The following CPEB3 variants were observed in gnomAD, a reference collection of about 807,000 sequenced individuals.
CPEB3 encodes the protein cytoplasmic polyadenylation element-binding protein 3.
A neutral mutation model predicts 67.2 loss-of-function variants in CPEB3; 20 were observed. The ratio of observed to expected loss-of-function variants is 0.30; its 90% CI spans 0.21 to 0.43. The LOEUF (loss-of-function observed/expected upper bound fraction) is 0.43. Among genes scored for constraint, CPEB3 ranks in the 20% least tolerant of loss-of-function variants. CPEB3 has a pLI of 1.00. For missense variants in CPEB3, 746 were observed against 968.6 expected (o/e 0.77, Z 3.05); for synonymous variants, 376 against 393.1 (o/e 0.96, Z 0.51).
In CPEB3 at chr10:92,145,337, A is replaced by G. The variant is rs144608419; in HGVS notation, c.1223-252T>C. Among the ~76,000 whole-genome samples, 380 of 152,314 alleles carry G rather than the reference A, an allele frequency of 2.5e-3. 2 individuals are homozygous for G. The highest frequency in any genetic ancestry group is 3.1e-3 in the Non-Finnish European group (214 of 68,018). On this transcript the variant is annotated intron_variant, in intron 4 of 9. Coordinates refer to ENST00000265997, the MANE Select transcript of CPEB3 (RefSeq NM_014912.5). ...TGACCAGATTGCTAACTAAAGAAAA[A>G]GAATCATCCAGGTGGGCATGGAGGC...
chr10:92,130,552 C>T (rs1845798727), intron 6 of CPEB3, among the ~76,000 whole-genome samples: 1 of 151,944 alleles, frequency 6.6e-6, no homozygotes, highest in Non-Finnish European at 1.5e-5. Context: ...GGCCCTTGTG[C>T]TGAAAGAGCT....
chr10:92,084,078 T>G lies in CPEB3; in HGVS notation c.1688-2577A>C, dbSNP rs544577392. On this transcript the variant is annotated intron_variant, in intron 8 of 9. Coordinates refer to ENST00000265997, the MANE Select transcript of CPEB3 (RefSeq NM_014912.5). ...ACGCCGGGAGGCTGAGGGAAGAGAA[T>G]GGCATGAACCTGGGAGCTGGACCTT... 4.8e-5 allele frequency among the ~76,000 whole-genome samples: 7 copies of G among 145,138 alleles called. No homozygotes were observed. The East Asian group carries it at 1.4e-3, about 30-fold the overall frequency.
intron 9 of CPEB3, among the ~76,000 whole-genome samples, chr10:92,079,414 A>G (rs1213574067): frequency 1.3e-5 from 2 of 152,160 alleles, no homozygotes; most frequent in Non-Finnish European, 2.9e-5. Context: ...TCAGATTGCT[A>G]TGGATACTTA....
At chr10:92,262,701 T>A (rs942251253) in intron 1 of CPEB3, among the ~76,000 whole-genome samples, 10 of 152,182 alleles carry the variant, frequency 6.6e-5, no homozygotes, top group East Asian at 1.9e-4. Flanking sequence ...TTTTAAAAAA[T>A]AAATAAATAA....
intron 3 of CPEB3, among the ~76,000 whole-genome samples, chr10:92,187,093 G>A (rs1014738673): frequency 1.3e-5 from 2 of 152,134 alleles, no homozygotes; most frequent in South Asian, 2.1e-4. Flanking sequence ...TCAAAATTCC[G>A]TAAGAGGGGA....
intron 4 of CPEB3, among the ~76,000 whole-genome samples, chr10:92,175,017 A>G (rs1848160423): frequency 6.6e-6 from 1 of 152,074 alleles, no homozygotes. Context: ...AAATATCCTA[A>G]CTGCCCACTT....
In CPEB3 at chr10:92,245,183, G is replaced by A. The variant is rs1249337307; in HGVS notation, c.-11-4822C>T. Among the ~76,000 whole-genome samples the A allele has an allele frequency of 2.0e-4, 29 of 145,420 alleles. No homozygotes were observed. In the Admixed American group the frequency reaches 2.0e-3, roughly 10 times the overall value. ...GACTGAGTCTCGCTCTGTCACCCAG[G>A]CTGGAGTGCAGTGGTGTGATCTCGG... On this transcript the variant is annotated intron_variant, in intron 1 of 9. Transcript: ENST00000265997.
At chr10:92,243,915 T>C in intron 1 of CPEB3, among the ~76,000 whole-genome samples, 1 of 152,200 alleles carries the variant, frequency 6.6e-6, no homozygotes, top group South Asian at 2.1e-4. Flanking sequence ...AGATTGTACC[T>C]GATAAGCTCT....
chr10:92,247,976 C>G (rs1852140791), intron 1 of CPEB3, among the ~76,000 whole-genome samples: 1 of 152,118 alleles, frequency 6.6e-6, no homozygotes. Flanking sequence ...CTCACTGCAA[C>G]CTCTGCCTCA....
intron 9 of CPEB3, among the ~76,000 whole-genome samples, chr10:92,075,718 T>C (rs1842908441): frequency 6.6e-6 from 1 of 152,158 alleles, no homozygotes; most frequent in African/African-American, 2.4e-5. Context: ...ATATTTTCTA[T>C]TCACAAGCAA....
chr10:92,253,816 C>A (rs911830217), intron 1 of CPEB3, among the ~76,000 whole-genome samples: 1 of 152,012 alleles, frequency 6.6e-6, no homozygotes, highest in African/African-American at 2.4e-5. Context: ...TATGATCTGG[C>A]CAAATAGGAG....
chr10:92,092,644 G>A (rs746040410), intron 7 of CPEB3, among the ~76,000 whole-genome samples: 3 of 152,142 alleles, frequency 2.0e-5, no homozygotes, highest in Non-Finnish European at 4.4e-5. Flanking sequence ...GCTGGGTGTA[G>A]TGGCTCACGC....
Position 92,048,383 on chromosome 10 carries a change from T to TCACACA in CPEB3, c.*3828_*3829insTGTGTG, listed in dbSNP as rs373292872. ...GTTTTTCTCTCTCTCTCTCTCTCTC[T>TCACACA]CTCTCACACACACACACACACACAC... On this transcript the variant is annotated 3_prime_UTR_variant, in exon 10 of 10. Coordinates refer to ENST00000265997, the MANE Select transcript of CPEB3 (RefSeq NM_014912.5). The surrounding 1 kb of genome is among the most constrained non-coding windows in gnomAD (Gnocchi z 4.1). The TCACACA allele has an allele frequency of 0.42, 31,551 of 75,234 alleles. 4,259 individuals carry two copies. The highest frequency in any genetic ancestry group is 0.53 in the Middle Eastern group (93 of 176). The allele number at this position is 75,234 out of a possible 1,614,324, so 4.7% of individuals were successfully genotyped here.
chr10:92,221,476 G>A (rs1850696104), intron 2 of CPEB3, among the ~76,000 whole-genome samples: 1 of 152,186 alleles, frequency 6.6e-6, no homozygotes, highest in South Asian at 2.1e-4. Flanking sequence ...CTGGACAACA[G>A]AGCAAGACTC....
chr10:92,164,602 G>A (rs1029139305), intron 4 of CPEB3, among the ~76,000 whole-genome samples: 7 of 152,154 alleles, frequency 4.6e-5, no homozygotes, highest in Non-Finnish European at 7.3e-5. Flanking sequence ...ATTAATTCAT[G>A]TTGTTACATG....
intron 2 of CPEB3, among the ~76,000 whole-genome samples, chr10:92,214,642 C>G (rs974439077): frequency 6.6e-6 from 1 of 152,050 alleles, no homozygotes; most frequent in East Asian, 1.9e-4. Context: ...ACCACGACAT[C>G]TGGCTAATTT....
chr10:92,076,036 A>G (rs1165386247), intron 9 of CPEB3, among the ~76,000 whole-genome samples: 1 of 152,132 alleles, frequency 6.6e-6, no homozygotes, highest in Non-Finnish European at 1.5e-5. Flanking sequence ...GTCTCACTTG[A>G]TGGTCAGGCA....
At chr10:92,127,331 CA>C (rs1258704231) in intron 6 of CPEB3, among the ~76,000 whole-genome samples, 1 of 151,926 alleles carries the variant, frequency 6.6e-6, no homozygotes, top group Non-Finnish European at 1.5e-5. Context: ...AAAGAGGATA[CA>C]GGGGCTAGAC....
intron 1 of CPEB3, among the ~76,000 whole-genome samples, chr10:92,249,953 C>A (rs1467708515): frequency 1.4e-5 from 2 of 144,346 alleles, no homozygotes; most frequent in Non-Finnish European, 3.0e-5. Flanking sequence ...ACTTGGGAGT[C>A]GGAGGTTGCA....
Sources: gnomAD v4.1 joint callset for allele counts (sites outside exome capture counted in the v4.1 genomes callset) on GRCh38, gnomAD v4.1.1 for gene constraint, Gnocchi (gnomAD v3.1) non-coding constraint, MANE v1.5 for transcripts, NCBI Gene and HGNC (gene_info 2026-07-23, HGNC 2026-07-21) for gene names.